PELI2: variants seen among roughly 807,000 people sequenced by gnomAD.
PELI2 encodes the protein E3 ubiquitin-protein ligase pellino homolog 2.
PELI2 carries 23 observed loss-of-function variants against 42.3 expected under a neutral mutation model. The ratio of observed to expected loss-of-function variants is 0.54; its 90% CI spans 0.39 to 0.77. PELI2 has a LOEUF of 0.77. Ranked by LOEUF, PELI2 falls within the 30% of genes least tolerant of loss-of-function variation. The pLI is 0.00. For synonymous variants in PELI2, 245 were observed against 212.2 expected, an observed-to-expected ratio of 1.15 and a Z score of -1.34; for missense variants, 463 against 553.2, an observed-to-expected ratio of 0.84 and a Z score of 1.64.
chr14:56,234,498 A>C (rs1887710939), intron 2 of PELI2, among the ~76,000 whole-genome samples: 1 of 152,178 alleles, frequency 6.6e-6, no homozygotes, highest in Non-Finnish European at 1.5e-5. Context: ...AACTATCACA[A>C]GGACAGAAAA....
At chr14:56,123,185 T>A (rs991592492) in intron 1 of PELI2, among the ~76,000 whole-genome samples, 32 of 152,022 alleles carry the variant, frequency 2.1e-4, no homozygotes, top group Non-Finnish European at 1.5e-5. Context: ...GTCTTTTTTT[T>A]TTTTTTAAAA....
intron 2 of PELI2, among the ~76,000 whole-genome samples, chr14:56,214,196 T>C (rs1051110568): frequency 4.6e-5 from 7 of 152,136 alleles, no homozygotes; most frequent in African/African-American, 1.7e-4. Context: ...TTTGTCCTAA[T>C]GTCACTACAG....
chr14:56,122,209 T>G (rs771312670), intron 1 of PELI2, among the ~76,000 whole-genome samples: 5 of 152,302 alleles, frequency 3.3e-5, no homozygotes, highest in Non-Finnish European at 5.9e-5. Flanking sequence ...CGTATGTACC[T>G]ATGTAACAAA....
chr14:56,163,372 G>C (rs1200351752), intron 1 of PELI2, among the ~76,000 whole-genome samples: 1 of 152,074 alleles, frequency 6.6e-6, no homozygotes, highest in Non-Finnish European at 1.5e-5. Flanking sequence ...TGTCAAAAAT[G>C]AGTTCACTGT....
In PELI2 at chr14:56,153,274, G is replaced by A. The variant is rs1341842702; in HGVS notation, c.78-25061G>A. Among the ~76,000 whole-genome samples, 3 of 152,128 alleles carry A rather than the reference G, an allele frequency of 2.0e-5. No individual in the cohort carries two copies. The East Asian group carries it at 5.8e-4, about 29-fold the overall frequency. ...ATTGGCTATAGCCATTTGGAAAAAC[G>A]GGGTTTTTGTATATAATGATTTTGG... On this transcript the variant is annotated intron_variant, in intron 1 of 5. Coordinates refer to ENST00000267460, the MANE Select transcript of PELI2 (RefSeq NM_021255.3).
chr14:56,240,384 T>C (rs1388817072), intron 2 of PELI2, among the ~76,000 whole-genome samples: 1 of 151,892 alleles, frequency 6.6e-6, no homozygotes, highest in Non-Finnish European at 1.5e-5. Context: ...ATGTGGGGCT[T>C]AAGGAAAGGG....
chr14:56,225,473 C>T (rs1038556398), intron 2 of PELI2, among the ~76,000 whole-genome samples: 1 of 152,158 alleles, frequency 6.6e-6, no homozygotes, highest in African/African-American at 2.4e-5. Context: ...CACCAAGTCC[C>T]TCCTGGAGCT....
intron 1 of PELI2, among the ~76,000 whole-genome samples, chr14:56,135,946 A>T (rs1286102329): frequency 6.6e-6 from 1 of 152,176 alleles, no homozygotes; most frequent in African/African-American, 2.4e-5. Context: ...CTAACACATC[A>T]TATGGAGTCT....
rs1245370221 is a variant in PELI2 at position 56,197,374 on chromosome 14, G to T, written c.207+18910G>T. 2.0e-5 allele frequency among the ~76,000 whole-genome samples: 3 copies of T among 152,284 alleles called. No homozygotes were observed. The East Asian group carries it at 5.8e-4, about 29-fold the overall frequency. ...TTCTAAGACTCTGAGGCAGGCTTGA[G>T]GGCTGGTTAGTGGGGAGTTGGAGCT... On this transcript the variant is annotated intron_variant, in intron 2 of 5. Coordinates refer to ENST00000267460, the MANE Select transcript of PELI2 (RefSeq NM_021255.3). This position sits in a 1 kb window ranked among gnomAD's most constrained non-coding sequence, Gnocchi z 4.9.
chr14:56,255,204 C>G lies in PELI2; in HGVS notation c.208-24472C>G, dbSNP rs141092598. Among the ~76,000 whole-genome samples, 441 of 152,270 alleles carry G rather than the reference C, an allele frequency of 2.9e-3. 4 individuals carry two copies. The highest frequency in any genetic ancestry group is 0.01 in the African/African-American group (424 of 41,568). On this transcript the variant is annotated intron_variant, in intron 2 of 5. Coordinates refer to ENST00000267460, the MANE Select transcript of PELI2 (RefSeq NM_021255.3). ...ATGCACACATTTGTTTATTGCAGCACTATTTACAATAGCAAAGACTTGGAA... is the reference window on the plus strand; with the variant it reads ...ATGCACACATTTGTTTATTGCAGCAGTATTTACAATAGCAAAGACTTGGAA...
Position 56,118,537 on chromosome 14 carries a change from C to T in PELI2, c.-124C>T, listed in dbSNP as rs1882934066. 1.9e-6 allele frequency: 1 copy of T among 523,290 alleles called. No homozygotes were observed. Among genetic ancestry groups the T allele is most frequent in the Admixed American group, 4.7e-5 (1 of 21,334 alleles). 32.4% of individuals were successfully genotyped at this position (523,290 alleles called of 1,614,324 possible). A position where few individuals can be genotyped will look rare whatever the true frequency, so the allele number is the denominator to read the frequency against. On this transcript the variant is annotated 5_prime_UTR_variant, in exon 1 of 6. Coordinates refer to ENST00000267460, the MANE Select transcript of PELI2 (RefSeq NM_021255.3). ...GGCCGCCCCGCGCCCCCTTCGCCGC[C>T]GTGCCCTTCCCCGGCGCGCTCACCC...
intron 1 of PELI2, among the ~76,000 whole-genome samples, chr14:56,150,199 C>T (rs559024300): frequency 5.3e-5 from 8 of 152,320 alleles, no homozygotes; most frequent in Middle Eastern, 3.4e-3. Context: ...GCAAGCACGG[C>T]GTAACTGTCA....
At chr14:56,235,439 T>G (rs1406874917) in intron 2 of PELI2, among the ~76,000 whole-genome samples, 1 of 152,222 alleles carries the variant, frequency 6.6e-6, no homozygotes, top group East Asian at 1.9e-4. Context: ...TGAACTCCAG[T>G]TGACATCTTG....
chr14:56,186,789 G>A (rs945550361), intron 2 of PELI2, among the ~76,000 whole-genome samples: 2 of 152,068 alleles, frequency 1.3e-5, no homozygotes, highest in African/African-American at 2.4e-5. Context: ...GCATGTATTC[G>A]TTGGAAAAAT....
intron 3 of PELI2, among the ~76,000 whole-genome samples, chr14:56,282,502 G>A (rs1315787214): frequency 1.3e-5 from 2 of 152,000 alleles, no homozygotes; most frequent in African/African-American, 4.8e-5. Context: ...GCCTTTGTGG[G>A]GAAAGGGACT....
At chr14:56,186,071 T>C (rs1050791590) in intron 2 of PELI2, among the ~76,000 whole-genome samples, 5 of 152,134 alleles carry the variant, frequency 3.3e-5, no homozygotes, top group African/African-American at 9.7e-5. Flanking sequence ...CCCATTGTAA[T>C]CACAAGCATC....
intron 2 of PELI2, among the ~76,000 whole-genome samples, chr14:56,187,656 T>G (rs1885815063): frequency 2.0e-5 from 3 of 152,370 alleles, no homozygotes; most frequent in Middle Eastern, 3.4e-3. Context: ...TCTGAAAAAG[T>G]ACTTTATCCT....
intron 2 of PELI2, among the ~76,000 whole-genome samples, chr14:56,233,600 T>G (rs985815951): frequency 3.3e-5 from 5 of 152,038 alleles, no homozygotes; most frequent in Non-Finnish European, 5.9e-5. Context: ...ATACAAAAAT[T>G]AACTCAAGAT....
chr14:56,260,402 A>G (rs1360682541), intron 2 of PELI2, among the ~76,000 whole-genome samples: 2 of 152,174 alleles, frequency 1.3e-5, no homozygotes, highest in African/African-American at 4.8e-5. Context: ...TTAAGTTTAC[A>G]TTTGTATGAA....
Sources: allele counts gnomAD v4.1 joint callset (sites outside exome capture counted in the v4.1 genomes callset), GRCh38; gene constraint gnomAD v4.1.1; non-coding constraint Gnocchi (gnomAD v3.1); transcripts MANE v1.5; gene names NCBI Gene and HGNC (gene_info 2026-07-23, HGNC 2026-07-21).